The following GPR158 variants were observed in gnomAD, a reference collection of about 807,000 sequenced individuals.
GPR158 encodes the protein G protein-coupled receptor 158.
A neutral mutation model predicts 78.2 loss-of-function variants in GPR158; 30 were observed. That is an observed-to-expected ratio of 0.38 (90% CI 0.29 to 0.52). The LOEUF is 0.52. Among genes scored for constraint, GPR158 ranks in the 20% least tolerant of loss-of-function variants. The pLI is 0.83. For synonymous variants in GPR158, 581 were observed against 591.1 expected, an observed-to-expected ratio of 0.98 and a Z score of 0.25; for missense variants, 1,463 against 1,523.5, an observed-to-expected ratio of 0.96 and a Z score of 0.66.
chr10:25,512,571 T>C (rs1002384453), intron 5 of GPR158, among the ~76,000 whole-genome samples: 5 of 152,130 alleles, frequency 3.3e-5, no homozygotes, highest in Non-Finnish European at 7.4e-5. Context: ...CTATGTTGAA[T>C]TGAAGTGGTA....
intron 5 of GPR158, among the ~76,000 whole-genome samples, chr10:25,533,400 T>C (rs1836451246): frequency 6.6e-6 from 1 of 152,164 alleles, no homozygotes; most frequent in African/African-American, 2.4e-5. Flanking sequence ...TTATATATAT[T>C]TTAAACCATT....
chr10:25,202,095 A>G (rs1364992445), intron 1 of GPR158, among the ~76,000 whole-genome samples: 1 of 151,788 alleles, frequency 6.6e-6, no homozygotes, highest in African/African-American at 2.4e-5. Context: ...TTGGCTGTGA[A>G]TTTTTCTGGT....
chr10:25,563,695 A>G (rs1458945556), intron 6 of GPR158, among the ~76,000 whole-genome samples: 1 of 152,178 alleles, frequency 6.6e-6, no homozygotes, highest in African/African-American at 2.4e-5. Flanking sequence ...CGTATACAAA[A>G]ACTTTGCTCC....
At position 25,412,347 on chromosome 10, in the gene GPR158, T is replaced by G. The variant is rs1249699685; in HGVS notation, c.1209T>G (p.Ala403=). The stretch of plus-strand genomic sequence containing the variant: ...GCAGGGAGGGCTGCCCCTTCTGTGC[T>G]GATGACAGCCCATGCTTCGTCCAGG... ...LPCREGCPFC[A]DDSPCFVQED... is the part of the protein sequence containing the mutation. The change falls in exon 4 of 11, where the codon GCT becomes GCG. Residue 403 remains alanine (A), a synonymous_variant. Transcript: ENST00000376351. 6.2e-6 allele frequency: 10 copies of G among 1,613,558 alleles called. No homozygotes were observed. Among genetic ancestry groups the G allele is most frequent in the Non-Finnish European group, 8.5e-6 (10 of 1,179,416 alleles).
chr10:25,504,647 AC>A (rs751540184), intron 5 of GPR158, among the ~76,000 whole-genome samples: 1 of 152,144 alleles, frequency 6.6e-6, no homozygotes, highest in Non-Finnish European at 1.5e-5. Flanking sequence ...CGAGTGCCTG[AC>A]TTCATTGAGA....
chr10:25,595,634 G>T (rs1837394827), intron 9 of GPR158, among the ~76,000 whole-genome samples: 1 of 152,182 alleles, frequency 6.6e-6, no homozygotes, highest in South Asian at 2.1e-4. Flanking sequence ...GACACAAAAT[G>T]CCACACATTG....
At chr10:25,408,603 T>C (rs1423513586) in intron 3 of GPR158, among the ~76,000 whole-genome samples, 1 of 152,216 alleles carries the variant, frequency 6.6e-6, no homozygotes, top group Non-Finnish European at 1.5e-5. Flanking sequence ...GAAATGACTC[T>C]GACTTCACTT....
Position 25,230,742 on chromosome 10 carries a change from C to T in GPR158, c.1008+9585C>T, listed in dbSNP as rs193002221. On this transcript the variant is annotated intron_variant, in intron 2 of 10. Coordinates refer to ENST00000376351, the MANE Select transcript of GPR158 (RefSeq NM_020752.3). ...AATGTAACTGGAACTTTTTAATAAT[C>T]AGATTTTTTTAAAAATGAAAAAGGC... is the stretch of plus-strand genomic sequence containing the variant. Among the ~76,000 whole-genome samples, 604 of 152,166 alleles carry T rather than the reference C, an allele frequency of 4.0e-3. 3 individuals carry two copies. Among genetic ancestry groups the T allele is most frequent in the African/African-American group, 0.014 (561 of 41,524 alleles).
intron 2 of GPR158, among the ~76,000 whole-genome samples, chr10:25,224,044 G>A (rs1168180066): frequency 6.6e-6 from 1 of 152,106 alleles, no homozygotes; most frequent in Non-Finnish European, 1.5e-5. Context: ...TTTTAGAAAG[G>A]CATGGAATGG....
chr10:25,215,878 GTCTT>G (rs1019511305), intron 1 of GPR158, among the ~76,000 whole-genome samples: 7 of 152,150 alleles, frequency 4.6e-5, no homozygotes, highest in Admixed American at 1.3e-4. Context: ...TTTAGTCCAT[GTCTT>G]TCTTTTTATA....
At chr10:25,447,568 C>T (rs1488128301) in intron 4 of GPR158, among the ~76,000 whole-genome samples, 1 of 152,068 alleles carries the variant, frequency 6.6e-6, no homozygotes. Flanking sequence ...GAATAGGAAG[C>T]ATGAAAATGT....
intron 5 of GPR158, among the ~76,000 whole-genome samples, chr10:25,511,374 C>G (rs1363686928): frequency 6.6e-6 from 1 of 152,056 alleles, no homozygotes; most frequent in East Asian, 1.9e-4. Flanking sequence ...TGTCCTTAGC[C>G]CACATTTTGA....
intron 4 of GPR158, among the ~76,000 whole-genome samples, chr10:25,446,084 T>C (rs1388578034): frequency 6.6e-6 from 1 of 152,124 alleles, no homozygotes; most frequent in Non-Finnish European, 1.5e-5. Flanking sequence ...ACTCCTATCA[T>C]GTATCACCAG....
intron 2 of GPR158, among the ~76,000 whole-genome samples, chr10:25,320,641 G>A (rs371296893): frequency 1.3e-5 from 2 of 152,254 alleles, no homozygotes; most frequent in Admixed American, 6.5e-5. Context: ...TCTAAAATGT[G>A]AGTCACAAAA....
chr10:25,472,865 G>A (rs1835527942), intron 5 of GPR158, among the ~76,000 whole-genome samples: 1 of 152,172 alleles, frequency 6.6e-6, no homozygotes, highest in African/African-American at 2.4e-5. Context: ...CTGAGACACT[G>A]GAGTTTTCTA....
chr10:25,563,552 T>C (rs1836886029), intron 6 of GPR158, among the ~76,000 whole-genome samples: 1 of 152,210 alleles, frequency 6.6e-6, no homozygotes, highest in African/African-American at 2.4e-5. Flanking sequence ...GTTTCTAATA[T>C]ATCATTTTGA....
intron 2 of GPR158, among the ~76,000 whole-genome samples, chr10:25,315,548 G>T (rs1374893657): frequency 6.6e-6 from 1 of 151,992 alleles, no homozygotes; most frequent in East Asian, 1.9e-4. Flanking sequence ...GAAAAATTTG[G>T]TCATGTAATG....
chr10:25,257,428 G>T (rs1853904110), intron 2 of GPR158, among the ~76,000 whole-genome samples: 1 of 152,168 alleles, frequency 6.6e-6, no homozygotes, highest in African/African-American at 2.4e-5. Flanking sequence ...TTAGCATTGA[G>T]TTTCATGTGA....
At chr10:25,528,052 GAAAT>G (rs2130690096) in intron 5 of GPR158, among the ~76,000 whole-genome samples, 1 of 152,054 alleles carries the variant, frequency 6.6e-6, no homozygotes, top group Admixed American at 6.5e-5. Context: ...AGACTTCTCA[GAAAT>G]AAAGCTATAG....
Sources: allele counts gnomAD v4.1 joint callset (sites outside exome capture counted in the v4.1 genomes callset), GRCh38; gene constraint gnomAD v4.1.1; transcripts MANE v1.5; gene names NCBI Gene and HGNC (gene_info 2026-07-23, HGNC 2026-07-21).